The following ZNF248 variants were observed in gnomAD, a reference collection of about 807,000 sequenced individuals.
ZNF248 encodes the protein KRAB protein domain.
Under a neutral mutation model 44.3 loss-of-function variants are expected in ZNF248, and 20 were observed. The ratio of observed to expected loss-of-function variants is 0.45; its 90% CI spans 0.32 to 0.66. The LOEUF (loss-of-function observed/expected upper bound fraction) is 0.66. ZNF248 is among the 30% of genes least tolerant of loss of function. The pLI, the probability that ZNF248 is intolerant of heterozygous loss-of-function variation, is 0.04. For missense variants in ZNF248, 654 were observed against 677.0 expected (o/e 0.97, Z 0.38); for synonymous variants, 224 against 229.0 (o/e 0.98, Z 0.20).
At chr10:37,828,349 G>A (rs536886718), downstream of ZNF248, among the ~76,000 whole-genome samples, 1 of 152,138 alleles carries the variant, frequency 6.6e-6, no homozygotes, top group African/African-American at 2.4e-5. Flanking sequence ...TCTTTATGGC[G>A]CTTATCATAG....
intron 6 of ZNF248, among the ~76,000 whole-genome samples, chr10:37,806,986 T>TG (rs1350309248): frequency 6.6e-6 from 1 of 151,520 alleles, no homozygotes; most frequent in Non-Finnish European, 1.5e-5. Flanking sequence ...TCCCAGCATT[T>TG]TTTTTTTCTT....
intron 6 of ZNF248, among the ~76,000 whole-genome samples, chr10:37,789,681 AG>A (rs1216231574): frequency 6.6e-6 from 1 of 152,224 alleles, no homozygotes; most frequent in African/African-American, 2.4e-5. Context: ...ATTGTAAAAA[AG>A]TTTCTTCTCA....
intron 6 of ZNF248, among the ~76,000 whole-genome samples, chr10:37,788,318 A>C (rs987697446): frequency 2.0e-5 from 3 of 151,344 alleles, no homozygotes; most frequent in Non-Finnish European, 4.4e-5. Flanking sequence ...ACATTTATCA[A>C]AGAAAATATA....
chr10:37,849,613 G>A (rs2059891094), intron 3 of ZNF248, among the ~76,000 whole-genome samples: 1 of 152,054 alleles, frequency 6.6e-6, no homozygotes, highest in Admixed American at 6.5e-5. Context: ...CGTGAACCCG[G>A]GAGGTGGAGC....
downstream of ZNF248, among the ~76,000 whole-genome samples, chr10:37,771,692 C>A (rs1055255025): frequency 1.3e-5 from 2 of 151,622 alleles, no homozygotes; most frequent in African/African-American, 2.4e-5. Flanking sequence ...AGTTAATGGG[C>A]GCAGCACACC....
downstream of ZNF248, among the ~76,000 whole-genome samples, chr10:37,775,126 G>A (rs1297015287): frequency 1.3e-5 from 2 of 152,078 alleles, no homozygotes; most frequent in Non-Finnish European, 2.9e-5. Context: ...CAGAGTATCA[G>A]AGATAAGTCT....
Position 37,829,578 on chromosome 10 carries a change from G to C in ZNF248, c.*2037C>G, listed in dbSNP as rs905219072. The C allele has an allele frequency of 1.0e-6, 1 of 985,174 alleles. No individual in the cohort carries two copies. Among genetic ancestry groups the C allele is most frequent in the Admixed American group, 6.2e-5 (1 of 16,230 alleles). The allele number at this position is 985,174 out of a possible 1,614,324, so 61.0% of individuals were successfully genotyped here. A position where few individuals can be genotyped will look rare whatever the true frequency, so the allele number is the denominator to read the frequency against. On this transcript the variant is annotated 3_prime_UTR_variant, in exon 6 of 6. Coordinates refer to ENST00000395867, the MANE Select transcript of ZNF248 (RefSeq NM_021045.3). ...GACCAAATAAAAAACAGTTATTGAG[G>C]GTTATAAAAAGTCCCAGTAGAGAAC... is the stretch of plus-strand genomic sequence containing the variant.
intron 6 of ZNF248, among the ~76,000 whole-genome samples, chr10:37,822,325 G>A (rs999725317): frequency 6.6e-6 from 1 of 151,938 alleles, no homozygotes; most frequent in Non-Finnish European, 1.5e-5. Context: ...CTGAAAACGA[G>A]AACAACAATT....
chr10:37,785,230 A>G (rs11011366), intron 6 of ZNF248, among the ~76,000 whole-genome samples: 16,667 of 152,176 alleles, frequency 0.11, 1,163 homozygotes, highest in Admixed American at 0.19. Flanking sequence ...ACAGTCCTCT[A>G]GGATTCTGGA....
At chr10:37,805,728 T>C (rs997548710) in intron 6 of ZNF248, among the ~76,000 whole-genome samples, 2 of 152,182 alleles carry the variant, frequency 1.3e-5, no homozygotes, top group African/African-American at 4.8e-5. Context: ...ATAGGGAAAT[T>C]ATATAAAATA....
At chr10:37,851,768 C>CAAAAAA (rs57501241) in intron 3 of ZNF248, among the ~76,000 whole-genome samples, 2 of 32,058 alleles carry the variant, frequency 6.2e-5, no homozygotes, top group Non-Finnish European at 1.1e-4. Flanking sequence ...TCAGAATGAC[C>CAAAAAA]AAAAAAAAAA....
intron 6 of ZNF248, among the ~76,000 whole-genome samples, chr10:37,805,856 CAT>C (rs1484699119): frequency 2.0e-5 from 3 of 152,154 alleles, no homozygotes; most frequent in Non-Finnish European, 4.4e-5. Flanking sequence ...CACACATATG[CAT>C]ATGTGTGTAT....
intron 6 of ZNF248, among the ~76,000 whole-genome samples, chr10:37,799,317 AG>A (rs1180653422): frequency 6.6e-6 from 1 of 152,168 alleles, no homozygotes; most frequent in East Asian, 1.9e-4. Context: ...CAGAGTTATT[AG>A]AAAACCAGAA....
chr10:37,789,161 G>A (rs542076708), intron 6 of ZNF248, among the ~76,000 whole-genome samples: 7 of 152,264 alleles, frequency 4.6e-5, no homozygotes, highest in South Asian at 2.1e-4. Flanking sequence ...GCATATTGGC[G>A]TGAAGGAATG....
chr10:37,834,115 C>A (rs1198195092), intron 5 of ZNF248, among the ~76,000 whole-genome samples: 3 of 152,054 alleles, frequency 2.0e-5, no homozygotes. Flanking sequence ...GGATATCCCT[C>A]AGTGAACTGC....
chr10:37,842,794 G>T (rs2058580940), intron 3 of ZNF248, among the ~76,000 whole-genome samples: 1 of 152,164 alleles, frequency 6.6e-6, no homozygotes, highest in Non-Finnish European at 1.5e-5. Context: ...CCTGGAAAGG[G>T]TTTCTTTGGG....
At chr10:37,774,026 T>C (rs1341729974), downstream of ZNF248, among the ~76,000 whole-genome samples, 1 of 148,618 alleles carries the variant, frequency 6.7e-6, no homozygotes, top group East Asian at 1.9e-4. Flanking sequence ...CATGCACCCA[T>C]ATCCTATCAG....
At chr10:37,819,106 C>T in intron 6 of ZNF248, 2 of 783,372 alleles carry the variant, frequency 2.6e-6, no homozygotes, top group South Asian at 1.3e-5. Context: ...TCTCTCCACA[C>T]ACTGTACCAT....
At chr10:37,856,047 C>T (rs767458382) in intron 3 of ZNF248, among the ~76,000 whole-genome samples, 19 of 152,166 alleles carry the variant, frequency 1.2e-4, no homozygotes, top group South Asian at 2.1e-4. Context: ...AGACAATTTA[C>T]TGCATTTATT....
Sources: allele counts gnomAD v4.1 joint callset (sites outside exome capture counted in the v4.1 genomes callset), GRCh38; gene constraint gnomAD v4.1.1; transcripts MANE v1.5; gene names NCBI Gene and HGNC (gene_info 2026-07-23, HGNC 2026-07-21).